Variants in SYT14 observed in about 807,000 individuals in gnomAD.
SYT14 encodes the protein synaptotagmin-14.
SYT14 carries 32 observed loss-of-function variants against 74.2 expected under a neutral mutation model. That is an observed-to-expected ratio of 0.43 (90% CI 0.33 to 0.58). The LOEUF (loss-of-function observed/expected upper bound fraction) is 0.58. Among genes scored for constraint, SYT14 ranks in the 20% least tolerant of loss-of-function variants. The pLI is 0.05. For synonymous variants in SYT14, 298 were observed against 337.7 expected (o/e 0.88, Z 1.29); for missense variants, 791 against 981.8 (o/e 0.81, Z 2.60).
At chr1:210,021,250 T>C in exon 5 of SYT14, 1 of 1,613,652 alleles carries the variant, frequency 6.2e-7, no homozygotes, top group South Asian at 1.1e-5. Context: ...CATCAATAGA[T>C]GAAGGTAAGA....
intron 6 of SYT14, among the ~76,000 whole-genome samples, chr1:210,095,830 A>AT (rs1470402953): frequency 1.3e-5 from 2 of 152,158 alleles, no homozygotes; most frequent in Non-Finnish European, 2.9e-5. Context: ...AGAAAATTGT[A>AT]TGCTGATATT....
chr1:210,149,114 C>T lies in SYT14; in HGVS notation c.2035-6607C>T, dbSNP rs749064638. On this transcript the variant is annotated intron_variant, in intron 7 of 9. Coordinates refer to ENST00000637265, the Ensembl canonical transcript of SYT14. The stretch of plus-strand genomic sequence containing the variant: ...AAATGCTAATTAAATATGTTCATAT[C>T]GAATACAGCAAAAAAGTGCATATGT... 7.3e-5 allele frequency among the ~76,000 whole-genome samples: 11 copies of T among 150,042 alleles called. 1 individual carries two copies. In the East Asian group the frequency reaches 2.1e-3, roughly 29 times the overall value.
chr1:209,953,137 T>C (rs1467870871), intron 2 of SYT14: 3 of 1,294,134 alleles, frequency 2.3e-6, no homozygotes, highest in Admixed American at 2.3e-5. Flanking sequence ...GAGGAGTTGG[T>C]TGAAATTCAA....
intron 7 of SYT14, among the ~76,000 whole-genome samples, chr1:210,102,725 A>T (rs2082089724): frequency 6.6e-6 from 1 of 152,142 alleles, no homozygotes; most frequent in African/African-American, 2.4e-5. Context: ...AGGGTCACCC[A>T]GGCTGGGGTG....
At chr1:210,101,698 G>C in intron 7 of SYT14, among the ~76,000 whole-genome samples, 1 of 151,454 alleles carries the variant, frequency 6.6e-6, no homozygotes, top group South Asian at 2.1e-4. Context: ...TCGGAGGGGG[G>C]AAGAACGAAT....
intron 5 of SYT14, among the ~76,000 whole-genome samples, chr1:210,040,809 C>T (rs959636279): frequency 3.9e-5 from 6 of 152,086 alleles, no homozygotes; most frequent in Non-Finnish European, 7.4e-5. Context: ...TATAATAATT[C>T]TAAAGTTTGA....
intron 2 of SYT14, among the ~76,000 whole-genome samples, chr1:209,983,689 A>T (rs1401643850): frequency 6.6e-6 from 1 of 152,146 alleles, no homozygotes; most frequent in Non-Finnish European, 1.5e-5. Context: ...ATCCTTAACT[A>T]GTAATTCTAA....
intron 5 of SYT14, among the ~76,000 whole-genome samples, chr1:210,067,735 A>G (rs765741198): frequency 1.3e-5 from 2 of 151,878 alleles, no homozygotes; most frequent in Non-Finnish European, 2.9e-5. Context: ...ATTTTTGGCA[A>G]TCTGATAGGT....
chr1:209,969,983 A>G (rs1275154688), intron 2 of SYT14, among the ~76,000 whole-genome samples: 1 of 152,108 alleles, frequency 6.6e-6, no homozygotes, highest in Non-Finnish European at 1.5e-5. Flanking sequence ...ATAGTTTGCA[A>G]ATATGCAAAT....
intron 5 of SYT14, among the ~76,000 whole-genome samples, chr1:210,085,567 A>AT (rs2081709794): frequency 6.6e-6 from 1 of 152,200 alleles, no homozygotes; most frequent in African/African-American, 2.4e-5. Context: ...GCACTGAGAG[A>AT]TTTTATCATG....
At chr1:209,949,007 T>C (rs776277904) in intron 1 of SYT14, among the ~76,000 whole-genome samples, 1 of 152,214 alleles carries the variant, frequency 6.6e-6, no homozygotes, top group African/African-American at 2.4e-5. Context: ...ACACCACTTT[T>C]TGGATAACCA....
At chr1:210,076,996 C>T (rs2081512637) in intron 5 of SYT14, among the ~76,000 whole-genome samples, 2 of 152,162 alleles carry the variant, frequency 1.3e-5, no homozygotes, top group Non-Finnish European at 2.9e-5. Context: ...TTTGAAGGTT[C>T]TTCCTTATTG....
chr1:210,161,412 T>C (rs1431756367), exon 10 of SYT14: 3 of 454,064 alleles, frequency 6.6e-6, no homozygotes, highest in Non-Finnish European at 1.3e-5. Flanking sequence ...GCAATACAAT[T>C]TTAATATCAC....
intron 7 of SYT14, among the ~76,000 whole-genome samples, chr1:210,118,784 A>G (rs1210335761): frequency 2.0e-5 from 3 of 152,182 alleles, no homozygotes; most frequent in African/African-American, 7.2e-5. Context: ...CTTGTTTATT[A>G]TCTTACCATT....
exon 10 of SYT14, chr1:210,170,845 T>A (rs1458234220): frequency 1.3e-5 from 2 of 152,184 alleles, no homozygotes; most frequent in Non-Finnish European, 1.5e-5. Context: ...TTGGGTCATA[T>A]TATTTTCTTT....
chr1:210,071,270 A>G (rs907034987), intron 5 of SYT14, among the ~76,000 whole-genome samples: 5 of 151,056 alleles, frequency 3.3e-5, no homozygotes, highest in Admixed American at 2.6e-4. Context: ...TTTAGTAAGT[A>G]GTATATTTAT....
chr1:210,067,598 T>G (rs1171816259), intron 5 of SYT14, among the ~76,000 whole-genome samples: 1 of 149,608 alleles, frequency 6.7e-6, no homozygotes, highest in African/African-American at 2.6e-5. Flanking sequence ...TCTCTCTATA[T>G]ATCACCATAT....
At chr1:210,009,428 C>T (rs1334995059) in intron 2 of SYT14, among the ~76,000 whole-genome samples, 1 of 151,918 alleles carries the variant, frequency 6.6e-6, no homozygotes, top group Middle Eastern at 3.2e-3. Flanking sequence ...ATGTGAAAAA[C>T]AGGCATTCAG....
chr1:210,133,155 T>C lies in SYT14; in HGVS notation c.2035-22566T>C, dbSNP rs77548606. Among the ~76,000 whole-genome samples the C allele has an allele frequency of 7.0e-3, 1,073 of 152,306 alleles. 13 individuals are homozygous for C. The highest frequency in any genetic ancestry group is 0.022 in the African/African-American group (897 of 41,560). ...AGTCCTAATGTTGCAGTTATACCCC[T>C]TTCTAGGAGGAGAACTTTCTGAAAG... On this transcript the variant is annotated intron_variant, in intron 7 of 9. Transcript: ENST00000637265.
Sources: allele counts gnomAD v4.1 joint callset (sites outside exome capture counted in the v4.1 genomes callset), GRCh38; gene constraint gnomAD v4.1.1; transcripts MANE v1.5; gene names NCBI Gene and HGNC (gene_info 2026-07-23, HGNC 2026-07-21).